Variants in MYOM1 observed in about 807,000 individuals in gnomAD.
The protein encoded by MYOM1 is myomesin 1.
MYOM1 carries 164 observed loss-of-function variants against 205.3 expected under a neutral mutation model. The ratio of observed to expected loss-of-function variants is 0.80; its 90% CI spans 0.70 to 0.91. The LOEUF is 0.91. Ranked by LOEUF, MYOM1 falls within the 40% of genes least tolerant of loss-of-function variation. MYOM1 has a pLI of 0.00. For synonymous variants in MYOM1, 772 were observed against 789.4 expected (o/e 0.98, Z 0.37); for missense variants, 2,011 against 2,127.3 (o/e 0.95, Z 1.08).
At chr18:3,242,347 A>T in the MYOM1 span, among the ~76,000 whole-genome samples, 3 of 152,290 alleles carry the variant, frequency 2.0e-5, no homozygotes, top group East Asian at 5.8e-4. Flanking sequence ...GTCTCATGAG[A>T]TCTGATGGCT....
intron 13 of MYOM1, among the ~76,000 whole-genome samples, chr18:3,142,806 G>A (rs535350546): frequency 6.6e-6 from 1 of 152,290 alleles, no homozygotes; most frequent in African/African-American, 2.4e-5. Context: ...TAAGCAGATA[G>A]GCAGGAGCCA....
At chr18:3,105,360 CAAG>C (rs1358089876) in intron 22 of MYOM1, among the ~76,000 whole-genome samples, 2 of 152,070 alleles carry the variant, frequency 1.3e-5, no homozygotes, top group Non-Finnish European at 2.9e-5. Flanking sequence ...ATACTGCATC[CAAG>C]AAGGATGAAA....
At chr18:3,228,352 C>CT in the MYOM1 span, among the ~76,000 whole-genome samples, 3 of 152,194 alleles carry the variant, frequency 2.0e-5, no homozygotes, top group African/African-American at 7.2e-5. The surrounding 1 kb of genome is among the most constrained non-coding windows in gnomAD (Gnocchi z 4.5). Context: ...GACACTTACT[C>CT]TGTCTTCAAA....
At chr18:3,162,628 A>G (rs897383272) in intron 10 of MYOM1, among the ~76,000 whole-genome samples, 1 of 152,160 alleles carries the variant, frequency 6.6e-6, no homozygotes, top group Non-Finnish European at 1.5e-5. Flanking sequence ...CCATAAAAAA[A>G]CACAGAACAC....
chr18:3,144,301 T>C (rs1486138460), intron 13 of MYOM1, among the ~76,000 whole-genome samples: 1 of 152,064 alleles, frequency 6.6e-6, no homozygotes, highest in Non-Finnish European at 1.5e-5. Flanking sequence ...AGATGTATAT[T>C]ATAAATTCTA....
rs1176144238 is a variant in MYOM1, at chr18:3,168,937, A to G, written c.1219T>C (p.Phe407Leu). The G allele has an allele frequency of 1.9e-6, 3 of 1,613,798 alleles. No individual in the cohort carries two copies. The South Asian group carries it at 3.3e-5, about 18-fold the overall frequency. The stretch of plus-strand genomic sequence containing the variant: ...AAAGACACATCAAATTTGTCATCAA[A>G]GTGGATCTCAAACCGGGATGCATAA... ...YGYASRFEIH[F>L]DDKFDVSFGR... Residue 407 changes from phenylalanine (F) to leucine (L), a missense_variant, in exon 9 of 38, where the codon TTT (phenylalanine) becomes CTT (leucine). By Grantham distance (22) the Phe-to-Leu change is conservative. Transcript: ENST00000356443.
At chr18:3,174,064 A>G in intron 7 of MYOM1, 56 bp downstream of exon 7, 2 of 1,597,400 alleles carry the variant, frequency 1.3e-6, no homozygotes, top group Non-Finnish European at 1.7e-6. Flanking sequence ...AAACCATGGG[A>G]AGAAATTTTT....
At chr18:3,089,655 C>T in intron 27 of MYOM1, 59 bp from the exon 28 acceptor site, 2 of 1,327,132 alleles carry the variant, frequency 1.5e-6, no homozygotes, top group South Asian at 1.3e-5. Flanking sequence ...ATGCACATGT[C>T]AGCCACTGCA....
At chr18:3,104,303 T>C (rs996650950) in intron 22 of MYOM1, among the ~76,000 whole-genome samples, 1 of 152,248 alleles carries the variant, frequency 6.6e-6, no homozygotes, top group African/African-American at 2.4e-5. Context: ...TATATCTGTA[T>C]TGTTACAGAG....
chr18:3,096,325 AT>A (rs1484827711), intron 25 of MYOM1, among the ~76,000 whole-genome samples: 2 of 152,168 alleles, frequency 1.3e-5, no homozygotes, highest in African/African-American at 2.4e-5. Flanking sequence ...TGGAATTCAA[AT>A]AATATATACT....
chr18:3,082,055 C>A (rs1253716770), intron 33 of MYOM1, among the ~76,000 whole-genome samples: 2 of 152,170 alleles, frequency 1.3e-5, no homozygotes, highest in Non-Finnish European at 2.9e-5. Context: ...TTATAAGGAG[C>A]GCACAACCTA....
intron 2 of MYOM1, among the ~76,000 whole-genome samples, chr18:3,207,106 C>T (rs11873158): frequency 0.033 from 5,001 of 151,928 alleles, 232 homozygotes; most frequent in African/African-American, 0.11. Context: ...GTAACATTTT[C>T]CTTGCTTTTT....
chr18:3,167,322 A>C (rs1269542112), intron 9 of MYOM1, among the ~76,000 whole-genome samples: 1 of 152,074 alleles, frequency 6.6e-6, no homozygotes, highest in Admixed American at 6.6e-5. Flanking sequence ...TCTATGAGAT[A>C]CTCTAGTATA....
At chr18:3,227,472 T>A in the MYOM1 span, among the ~76,000 whole-genome samples, 1 of 151,972 alleles carries the variant, frequency 6.6e-6, no homozygotes, top group South Asian at 2.1e-4. Context: ...AAGGGGGTAA[T>A]GAGGAGTATA....
At chr18:3,111,133 A>G (rs892706006) in intron 22 of MYOM1, among the ~76,000 whole-genome samples, 1 of 10,524 alleles carries the variant, frequency 9.5e-5, no homozygotes, top group Non-Finnish European at 2.1e-4. Flanking sequence ...AAAATTTGGT[A>G]GAGGTGGGGT....
At chr18:3,109,780 A>C in intron 22 of MYOM1, among the ~76,000 whole-genome samples, 1 of 152,242 alleles carries the variant, frequency 6.6e-6, no homozygotes, top group Middle Eastern at 3.4e-3. Flanking sequence ...TACTATTATT[A>C]TTATTTTTTC....
intron 16 of MYOM1, among the ~76,000 whole-genome samples, chr18:3,132,437 A>G (rs1415673750): frequency 3.9e-5 from 6 of 152,118 alleles, no homozygotes; most frequent in African/African-American, 1.2e-4. Flanking sequence ...GGCAAGAGCC[A>G]CCAAGCCCAG....
chr18:3,205,048 C>A (rs1211761971), intron 2 of MYOM1, among the ~76,000 whole-genome samples: 3 of 151,962 alleles, frequency 2.0e-5, no homozygotes, highest in Non-Finnish European at 4.4e-5. Context: ...GAGCTTTACT[C>A]AATATTATAC....
rs185311893 is a variant in MYOM1 at position 3,134,992 on chromosome 18, A to G, written c.2210-168T>C. Reference sequence around the variant, plus strand: ...GAGACTGAGTCTCGCTCTGTCACCCAGGCTGGAGAGCAGTGGCGGGATCTC... The same window carrying G: ...GAGACTGAGTCTCGCTCTGTCACCCGGGCTGGAGAGCAGTGGCGGGATCTC... On this transcript the variant is annotated intron_variant, in intron 15 of 37. Coordinates refer to ENST00000356443, the MANE Select transcript of MYOM1 (RefSeq NM_003803.4). The G allele has an allele frequency of 1.4e-4, 90 of 630,782 alleles. No homozygotes were observed. In the East Asian group the frequency reaches 2.8e-3, roughly 20 times the overall value. 39.1% of individuals were successfully genotyped at this position (630,782 alleles called of 1,614,324 possible). A position where few individuals can be genotyped will look rare whatever the true frequency, so the allele number is the denominator to read the frequency against.
Sources: gnomAD v4.1 joint callset for allele counts (sites outside exome capture counted in the v4.1 genomes callset) on GRCh38, gnomAD v4.1.1 for gene constraint, Gnocchi (gnomAD v3.1) non-coding constraint, MANE v1.5 for transcripts, NCBI Gene and HGNC (gene_info 2026-07-23, HGNC 2026-07-21) for gene names.